GPM6A: variants seen among roughly 807,000 people sequenced by gnomAD.
The protein encoded by GPM6A is glycoprotein M6A, also known as neuronal membrane glycoprotein M6-a.
Under a neutral mutation model 32.1 loss-of-function variants are expected in GPM6A, and 7 were observed. The ratio of observed to expected loss-of-function variants is 0.22; its 90% CI spans 0.12 to 0.41. The LOEUF is 0.41. GPM6A is among the 10% of genes least tolerant of loss of function. The probability of loss-of-function intolerance (pLI) is 1.00; values close to 1 mark genes in which losing one functional copy is unlikely to be tolerated. For synonymous variants in GPM6A, 130 were observed against 123.4 expected, an observed-to-expected ratio of 1.05 and a Z score of -0.35; for missense variants, 235 against 347.2, an observed-to-expected ratio of 0.68 and a Z score of 2.57.
chr4:175,836,246 C>A (rs1735765111), intron 1 of GPM6A, among the ~76,000 whole-genome samples: 1 of 152,082 alleles, frequency 6.6e-6, no homozygotes, highest in African/African-American at 2.4e-5. Flanking sequence ...ATACAGCAAG[C>A]CTAATTTTTC....
intron 1 of GPM6A, among the ~76,000 whole-genome samples, chr4:175,992,330 AT>A (rs1306846477): frequency 5.9e-5 from 9 of 152,166 alleles, no homozygotes; most frequent in African/African-American, 2.2e-4. Context: ...AGGGAAAAAA[AT>A]ATCTAAAGAC....
chr4:175,768,656 G>T (rs888314354), intron 1 of GPM6A, among the ~76,000 whole-genome samples: 1 of 152,092 alleles, frequency 6.6e-6, no homozygotes, highest in Non-Finnish European at 1.5e-5. Flanking sequence ...AGTAGTTTAT[G>T]CATTTTTAGT....
At chr4:175,635,892 C>A (rs1475722296) in intron 6 of GPM6A, among the ~76,000 whole-genome samples, 1 of 151,828 alleles carries the variant, frequency 6.6e-6, no homozygotes, top group East Asian at 1.9e-4. Flanking sequence ...AAAGGGTGGG[C>A]AATATTTTAA....
chr4:175,772,859 A>C (rs941273009), intron 1 of GPM6A, among the ~76,000 whole-genome samples: 2 of 152,192 alleles, frequency 1.3e-5, no homozygotes, highest in Non-Finnish European at 2.9e-5. Context: ...TTAGAAATCA[A>C]ATGGAAGCAG....
chr4:175,686,371 A>T (rs972260993), intron 2 of GPM6A, among the ~76,000 whole-genome samples: 2 of 152,202 alleles, frequency 1.3e-5, no homozygotes, highest in Non-Finnish European at 2.9e-5. Flanking sequence ...ATGGCAAAGG[A>T]GTGAATATTA....
At chr4:175,880,266 A>G (rs1255433085) in intron 1 of GPM6A, among the ~76,000 whole-genome samples, 2 of 152,168 alleles carry the variant, frequency 1.3e-5, no homozygotes. Flanking sequence ...TGGTACCAGT[A>G]CTATGCTGTT....
chr4:175,727,350 A>G (rs1731217782), intron 1 of GPM6A, among the ~76,000 whole-genome samples: 1 of 152,216 alleles, frequency 6.6e-6, no homozygotes, highest in Non-Finnish European at 1.5e-5. Flanking sequence ...TAAAAGTTGA[A>G]GAATAGCAAA....
intron 1 of GPM6A, among the ~76,000 whole-genome samples, chr4:175,821,739 C>CT (rs1342334063): frequency 6.6e-6 from 1 of 151,620 alleles, no homozygotes; most frequent in African/African-American, 2.4e-5. Flanking sequence ...TCTCTCAAGA[C>CT]TTTTTTTGAC....
At chr4:175,870,015 T>C (rs1033266935) in intron 1 of GPM6A, among the ~76,000 whole-genome samples, 1 of 152,242 alleles carries the variant, frequency 6.6e-6, no homozygotes, top group African/African-American at 2.4e-5. Flanking sequence ...CCAGATTCTG[T>C]GCTCTGACTT....
chr4:175,995,470 C>T (rs890389048), intron 1 of GPM6A, among the ~76,000 whole-genome samples: 4 of 150,780 alleles, frequency 2.7e-5, no homozygotes, highest in Admixed American at 2.6e-4. Context: ...TAGCGATTAG[C>T]GATACAAGTG....
intron 1 of GPM6A, among the ~76,000 whole-genome samples, chr4:175,768,433 C>T (rs1277814165): frequency 2.6e-5 from 4 of 151,940 alleles, no homozygotes; most frequent in East Asian, 1.9e-4. Flanking sequence ...ATTGCAAATA[C>T]GGGAAAATGA....
intron 4 of GPM6A, among the ~76,000 whole-genome samples, chr4:175,650,298 ATTTATTTAT>A (rs1355968330): frequency 5.0e-5 from 4 of 80,250 alleles, no homozygotes; most frequent in African/African-American, 5.3e-5. Flanking sequence ...TTATTTATTT[ATTTATTTAT>A]TTATTTATTT....
At chr4:175,839,503 T>A (rs1418955524) in intron 1 of GPM6A, among the ~76,000 whole-genome samples, 5 of 152,100 alleles carry the variant, frequency 3.3e-5, no homozygotes, top group Non-Finnish European at 5.9e-5. Context: ...TTCAAGAAAA[T>A]CTAAAGTCAA....
At chr4:175,679,082 T>C (rs925315061) in intron 2 of GPM6A, among the ~76,000 whole-genome samples, 19 of 152,286 alleles carry the variant, frequency 1.2e-4, no homozygotes, top group African/African-American at 4.6e-4. Flanking sequence ...TGATGAACTT[T>C]GTGGGATTTC....
intron 1 of GPM6A, among the ~76,000 whole-genome samples, chr4:175,944,282 A>T (rs1739516858): frequency 6.6e-6 from 1 of 152,194 alleles, no homozygotes; most frequent in South Asian, 2.1e-4. Flanking sequence ...CAAAGAATTA[A>T]TTTTTGTGCT....
chr4:175,665,609 A>C (rs73018181), intron 3 of GPM6A, among the ~76,000 whole-genome samples: 28,174 of 151,426 alleles, frequency 0.19, 3,150 homozygotes, highest in Non-Finnish European at 0.25. Flanking sequence ...CATGATGAAA[A>C]CCTATGTCTA....
At chr4:175,823,618 C>A (rs867876328) in intron 1 of GPM6A, among the ~76,000 whole-genome samples, 1 of 152,142 alleles carries the variant, frequency 6.6e-6, no homozygotes, top group African/African-American at 2.4e-5. Flanking sequence ...TCTGAAAAAG[C>A]TGATTACACT....
At chr4:175,844,369 G>C (rs890938874) in intron 1 of GPM6A, among the ~76,000 whole-genome samples, 2 of 152,112 alleles carry the variant, frequency 1.3e-5, no homozygotes, top group East Asian at 3.9e-4. Context: ...CCACAAGACT[G>C]AATTATCTCA....
At chr4:175,678,061 A>T (rs1490900861) in intron 2 of GPM6A, among the ~76,000 whole-genome samples, 2 of 152,138 alleles carry the variant, frequency 1.3e-5, no homozygotes, top group East Asian at 3.9e-4. Context: ...TGAGTTCATC[A>T]TGTGGAAGCA....
Sources: gnomAD v4.1 joint callset for allele counts (sites outside exome capture counted in the v4.1 genomes callset) on GRCh38, gnomAD v4.1.1 for gene constraint, MANE v1.5 for transcripts, NCBI Gene and HGNC (gene_info 2026-07-23, HGNC 2026-07-21) for gene names.